Variants in CRYL1 observed in about 807,000 individuals in gnomAD.
CRYL1 encodes the protein crystallin lambda 1.
CRYL1 carries 29 observed loss-of-function variants against 36.6 expected under a neutral mutation model. That is an observed-to-expected ratio of 0.79 (90% CI 0.59 to 1.08). CRYL1 has a LOEUF of 1.08. CRYL1 is among the 50% of genes least tolerant of loss of function. The pLI is 0.00. For synonymous variants in CRYL1, 152 were observed against 151.5 expected (o/e 1.00, Z -0.02); for missense variants, 411 against 407.9 (o/e 1.01, Z -0.06).
chr13:20,440,403 A>G, intron 3 of CRYL1, among the ~76,000 whole-genome samples: 1 of 152,244 alleles, frequency 6.6e-6, no homozygotes, highest in East Asian at 1.9e-4. Flanking sequence ...AGATTTAAGG[A>G]TGAGAAAAGG....
intron 3 of CRYL1, among the ~76,000 whole-genome samples, chr13:20,464,603 T>A (rs1199324852): frequency 2.0e-5 from 3 of 152,158 alleles, no homozygotes; most frequent in African/African-American, 4.8e-5. Context: ...TAAAATCTAT[T>A]TCTGTGTGAT....
chr13:20,444,999 T>A (rs2032424804), intron 3 of CRYL1, among the ~76,000 whole-genome samples: 1 of 152,090 alleles, frequency 6.6e-6, no homozygotes, highest in Non-Finnish European at 1.5e-5. Context: ...ATTACAGGAG[T>A]GAGCCTGTAA....
chr13:20,497,979 T>C (rs1467800914), intron 2 of CRYL1, among the ~76,000 whole-genome samples: 1 of 151,868 alleles, frequency 6.6e-6, no homozygotes, highest in Non-Finnish European at 1.5e-5. Flanking sequence ...TTTGATAACT[T>C]TGGCATTGAA....
chr13:20,444,273 T>C (rs115323982), intron 3 of CRYL1, among the ~76,000 whole-genome samples: 2,429 of 152,212 alleles, frequency 0.016, 69 homozygotes, highest in African/African-American at 0.056. Flanking sequence ...AAATAAAGGG[T>C]TTAATTTTTA....
chr13:20,470,019 A>T (rs1475734722), intron 3 of CRYL1, among the ~76,000 whole-genome samples: 1 of 152,236 alleles, frequency 6.6e-6, no homozygotes, highest in African/African-American at 2.4e-5. Flanking sequence ...CCTGAAGAAG[A>T]CTATCGACAG....
chr13:20,473,072 G>T (rs549983797), intron 3 of CRYL1: 6 of 152,238 alleles, frequency 3.9e-5, no homozygotes, highest in Non-Finnish European at 7.3e-5. Flanking sequence ...TCGAGTGCCC[G>T]TACTGCTCAG....
In CRYL1 at chr13:20,475,034, C is replaced by T. The variant is rs1593470671; in HGVS notation, c.276+14336G>A. Among the ~76,000 whole-genome samples, 5 of 152,194 alleles carry T rather than the reference C, an allele frequency of 3.3e-5. No homozygotes were observed. The South Asian group carries it at 1.0e-3, about 31-fold the overall frequency. ...GCAGCCTCCTTCACCCTCCAACACC[C>T]GGAACACAGGGCAGCAAAGTCCTCT... On this transcript the variant is annotated intron_variant, in intron 3 of 7. Coordinates refer to ENST00000298248, the MANE Select transcript of CRYL1 (RefSeq NM_015974.3).
intron 2 of CRYL1, among the ~76,000 whole-genome samples, chr13:20,505,811 T>G (rs1336775753): frequency 2.0e-5 from 3 of 152,194 alleles, no homozygotes; most frequent in African/African-American, 7.2e-5. Context: ...AAGGATTAAG[T>G]TGGTTTTCCT....
intron 3 of CRYL1, among the ~76,000 whole-genome samples, chr13:20,482,981 C>T (rs1218042535): frequency 6.6e-6 from 1 of 152,056 alleles, no homozygotes; most frequent in Non-Finnish European, 1.5e-5. Flanking sequence ...TGTAGGGGAG[C>T]TAAAGCAGTG....
chr13:20,436,227 AC>A (rs1431355173), intron 4 of CRYL1, among the ~76,000 whole-genome samples: 5 of 152,106 alleles, frequency 3.3e-5, no homozygotes, highest in Admixed American at 3.3e-4. Flanking sequence ...GCCTGTCCAT[AC>A]AGCACAGTAC....
chr13:20,473,506 G>A (rs553354461), intron 3 of CRYL1, among the ~76,000 whole-genome samples: 3 of 152,382 alleles, frequency 2.0e-5, no homozygotes, highest in Admixed American at 6.5e-5. Flanking sequence ...TGATCTCAGC[G>A]GACCTGGCCA....
rs200052140 is a variant in CRYL1 at position 20,404,179 on chromosome 13, C to A, written c.910G>T (p.Glu304Ter). Residue 304 changes from glutamate (E) to a stop codon, truncating the protein, a stop_gained, in exon 8 of 8, where the codon GAG becomes TAG. Transcript: ENST00000298248. LOFTEE classifies it high-confidence loss of function. Reference sequence around the variant, plus strand: ...AACTTGGCGAGTCTCATGAGGCACTCGTCCCTCCACTGCCTCCTGGCAGCT... The same window carrying A: ...AACTTGGCGAGTCTCATGAGGCACTAGTCCCTCCACTGCCTCCTGGCAGCT... ...HLAARRQWRD[E>*]CLMRLAKLKS... 15 of 1,614,022 alleles carry A rather than the reference C, an allele frequency of 9.3e-6. No individual in the cohort carries two copies. In the South Asian group the frequency reaches 1.6e-4, roughly 18 times the overall value.
intron 3 of CRYL1, among the ~76,000 whole-genome samples, chr13:20,470,288 T>C (rs916275601): frequency 6.6e-6 from 1 of 152,174 alleles, no homozygotes; most frequent in Non-Finnish European, 1.5e-5. Flanking sequence ...TCAAGCACTG[T>C]TCTGTTCACA....
intron 2 of CRYL1, among the ~76,000 whole-genome samples, chr13:20,490,616 C>A (rs898475056): frequency 2.0e-5 from 3 of 148,236 alleles, no homozygotes; most frequent in Non-Finnish European, 4.5e-5. Context: ...AACTTAAAAT[C>A]TTAATTACTT....
intron 6 of CRYL1, among the ~76,000 whole-genome samples, chr13:20,409,462 A>G (rs991669550): frequency 6.6e-6 from 1 of 152,048 alleles, no homozygotes; most frequent in Non-Finnish European, 1.5e-5. Flanking sequence ...CATTCAGGAC[A>G]TAGGCATGGG....
rs890802445 is a variant in CRYL1, at chr13:20,525,261, T to A, written c.41+493A>T. On this transcript the variant is annotated intron_variant, in intron 1 of 7. Coordinates refer to ENST00000298248, the MANE Select transcript of CRYL1 (RefSeq NM_015974.3). The surrounding 1 kb of genome is among the most constrained non-coding windows in gnomAD (Gnocchi z 4.3). ...CGCCGACAGGACTGCGCTGGCACCC[T>A]CCCTGCTGGGCTAGTCCTGTCTCCG... Among the ~76,000 whole-genome samples, 4 of 152,108 alleles carry A rather than the reference T, an allele frequency of 2.6e-5. No individual in the cohort carries two copies. Among genetic ancestry groups the A allele is most frequent in the Non-Finnish European group, 5.9e-5 (4 of 68,008 alleles).
chr13:20,486,451 A>G (rs1222647391), intron 3 of CRYL1, among the ~76,000 whole-genome samples: 2 of 151,408 alleles, frequency 1.3e-5, no homozygotes, highest in Non-Finnish European at 2.9e-5. Flanking sequence ...TTCCTCCCAC[A>G]CAATCCTCCC....
chr13:20,456,677 A>C lies in CRYL1; in HGVS notation c.277-16923T>G, dbSNP rs146554244. Among the ~76,000 whole-genome samples, 296 of 145,584 alleles carry C rather than the reference A, an allele frequency of 2.0e-3. 2 individuals are homozygous for C. Among genetic ancestry groups the C allele is most frequent in the Non-Finnish European group, 3.4e-3 (222 of 65,760 alleles). On this transcript the variant is annotated intron_variant, in intron 3 of 7. Transcript: ENST00000298248. ...TTAAAACACACACACACACACACAC[A>C]CCCCAGAATGCCCTTCTTAGCAACC...
chr13:20,497,067 T>A (rs901554316), intron 2 of CRYL1, among the ~76,000 whole-genome samples: 6 of 152,008 alleles, frequency 3.9e-5, no homozygotes, highest in African/African-American at 1.5e-4. Context: ...GGTCAGAATC[T>A]GCAGGTACCA....
Sources: gnomAD v4.1 joint callset for allele counts (sites outside exome capture counted in the v4.1 genomes callset) on GRCh38, gnomAD v4.1.1 for gene constraint, Gnocchi (gnomAD v3.1) non-coding constraint, MANE v1.5 for transcripts, NCBI Gene and HGNC (gene_info 2026-07-23, HGNC 2026-07-21) for gene names.